The following FBXO31 variants were observed in gnomAD, a reference collection of about 807,000 sequenced individuals.
FBXO31 encodes the protein F-box only protein 31.
Under a neutral mutation model 54.4 loss-of-function variants are expected in FBXO31, and 24 were observed. The observed-to-expected ratio is 0.44, with a 90% confidence interval of 0.32 to 0.62. The LOEUF is 0.62. Ranked by LOEUF, FBXO31 falls within the 20% of genes least tolerant of loss-of-function variation. The pLI is 0.05. For synonymous variants in FBXO31, 388 were observed against 335.6 expected (o/e 1.16, Z -1.71); for missense variants, 665 against 787.1 (o/e 0.84, Z 1.86).
chr16:87,354,454 G>A (rs907829531), intron 2 of FBXO31, among the ~76,000 whole-genome samples: 1 of 149,858 alleles, frequency 6.7e-6, no homozygotes, highest in African/African-American at 2.4e-5. Context: ...GGGCAACAGA[G>A]CGAGATCCTG....
chr16:87,342,745 G>A (rs1461941002), intron 5 of FBXO31, 132 bp downstream of exon 5: 14 of 728,006 alleles, frequency 1.9e-5, no homozygotes, highest in South Asian at 4.2e-5. Context: ...TGACAATACC[G>A]GCTGAACCAT....
At chr16:87,359,064 A>C (rs1004378478) in intron 2 of FBXO31, among the ~76,000 whole-genome samples, 1 of 152,232 alleles carries the variant, frequency 6.6e-6, no homozygotes, top group African/African-American at 2.4e-5. Context: ...TAAGCCTTAA[A>C]GCAAATTCAC....
At chr16:87,382,333 T>C (rs1907113491) in intron 1 of FBXO31, among the ~76,000 whole-genome samples, 2 of 152,250 alleles carry the variant, frequency 1.3e-5, no homozygotes, top group Non-Finnish European at 2.9e-5. Flanking sequence ...TGGTTTATTT[T>C]TGACTGCTGG....
intron 2 of FBXO31, among the ~76,000 whole-genome samples, chr16:87,354,791 A>C (rs978171978): frequency 6.6e-6 from 1 of 151,706 alleles, no homozygotes; most frequent in African/African-American, 2.4e-5. Context: ...AAACTGGCAA[A>C]ACCCCGTCTC....
At chr16:87,351,091 C>A (rs1003017520) in intron 2 of FBXO31, among the ~76,000 whole-genome samples, 14 of 152,190 alleles carry the variant, frequency 9.2e-5, no homozygotes, top group Admixed American at 3.9e-4. Context: ...AGATGGGCTG[C>A]CAGCGCACAG....
rs557772551 is a variant in FBXO31 at position 87,336,987 on chromosome 16, G to A, written c.733-723C>T. On this transcript the variant is annotated intron_variant, in intron 5 of 8. Transcript: ENST00000311635. This position sits in a 1 kb window ranked among gnomAD's most constrained non-coding sequence, Gnocchi z 6.5. ...ATCTAGACCTAACTCTGAAAGGGACGCATAAGCAACTCACAAAAAAGAGGA... is the reference window on the plus strand; with the variant it reads ...ATCTAGACCTAACTCTGAAAGGGACACATAAGCAACTCACAAAAAAGAGGA... Among the ~76,000 whole-genome samples the A allele has an allele frequency of 4.6e-5, 7 of 152,210 alleles. No individual in the cohort carries two copies. Among genetic ancestry groups the A allele is most frequent in the East Asian group, 3.9e-4 (2 of 5,178 alleles).
At position 87,338,142 on chromosome 16, in the gene FBXO31, G is replaced by A. The variant is rs181110625; in HGVS notation, c.733-1878C>T. Among the ~76,000 whole-genome samples the A allele has an allele frequency of 4.7e-4, 71 of 152,048 alleles. No individual in the cohort carries two copies. Among genetic ancestry groups the A allele is most frequent in the Non-Finnish European group, 8.2e-4 (56 of 67,994 alleles). ...CTTTACATAAAGAGGTCCAAGCAAC[G>A]GGACCACCAACCAGACCCTGTTACC... is the stretch of plus-strand genomic sequence containing the variant. On this transcript the variant is annotated intron_variant, in intron 5 of 8. Coordinates refer to ENST00000311635, the MANE Select transcript of FBXO31 (RefSeq NM_024735.5). This position sits in a 1 kb window ranked among gnomAD's most constrained non-coding sequence, Gnocchi z 4.3.
chr16:87,359,797 T>C (rs973039220), intron 2 of FBXO31, among the ~76,000 whole-genome samples: 3 of 152,144 alleles, frequency 2.0e-5, no homozygotes, highest in African/African-American at 7.2e-5. Flanking sequence ...CACAGTTGAC[T>C]CTGGAAAGCG....
intron 2 of FBXO31, 128 bp from the exon 3 acceptor site, chr16:87,347,378 T>C: frequency 1.3e-6 from 1 of 771,904 alleles, no homozygotes; most frequent in South Asian, 1.4e-5. Flanking sequence ...TCCAAACACA[T>C]GCACACCAAG....
In FBXO31 at chr16:87,330,838, A is replaced by C; in HGVS notation, c.*450T>G. ...TCTTCCTGACCCCCTCCCAGAGGCCACTGTTGCCTGGCTTCCCCCAAAAGG... is the reference window on the plus strand; with the variant it reads ...TCTTCCTGACCCCCTCCCAGAGGCCCCTGTTGCCTGGCTTCCCCCAAAAGG... On this transcript the variant is annotated 3_prime_UTR_variant, in exon 9 of 9. Coordinates refer to ENST00000311635, the MANE Select transcript of FBXO31 (RefSeq NM_024735.5). The C allele has an allele frequency of 5.7e-6, 1 of 175,318 alleles. No individual in the cohort carries two copies. The highest frequency in any genetic ancestry group is 1.2e-5 in the Non-Finnish European group (1 of 82,152). 10.9% of individuals were successfully genotyped at this position (175,318 alleles called of 1,614,324 possible).
At chr16:87,381,795 C>T (rs572980626) in intron 1 of FBXO31, among the ~76,000 whole-genome samples, 5 of 152,176 alleles carry the variant, frequency 3.3e-5, no homozygotes, top group South Asian at 4.1e-4. Context: ...GAGGCCGAGG[C>T]GGGTGAATCA....
At chr16:87,348,526 G>C (rs986607983) in intron 2 of FBXO31, among the ~76,000 whole-genome samples, 14 of 152,160 alleles carry the variant, frequency 9.2e-5, no homozygotes, top group African/African-American at 1.9e-4. Flanking sequence ...CATGGTCCCA[G>C]GAAGAAGGGG....
chr16:87,373,260 G>T (rs1415359717), intron 1 of FBXO31, among the ~76,000 whole-genome samples: 1 of 151,776 alleles, frequency 6.6e-6, no homozygotes, highest in Non-Finnish European at 1.5e-5. Flanking sequence ...GACCATCTTG[G>T]CTAACACAGT....
At chr16:87,390,536 T>G (rs1010547044), upstream of FBXO31, among the ~76,000 whole-genome samples, 8 of 151,104 alleles carry the variant, frequency 5.3e-5, no homozygotes, top group Non-Finnish European at 8.9e-5. Flanking sequence ...TGCCTTCCGG[T>G]TTCAAGCGAT....
rs1904836595 is a variant in FBXO31, at chr16:87,331,068, G to A, written c.*220C>T. 4 of 544,694 alleles carry A rather than the reference G, an allele frequency of 7.3e-6. No individual in the cohort carries two copies. The highest frequency in any genetic ancestry group is 3.2e-5 in the Admixed American group (1 of 31,554). 33.7% of individuals were successfully genotyped at this position (544,694 alleles called of 1,614,324 possible). ...TTCAGGCTCGTTCTCTCTGTTTTTG[G>A]TAAGACATGCTCAGCTTCTTCCATC... On this transcript the variant is annotated 3_prime_UTR_variant, in exon 9 of 9. Coordinates refer to ENST00000311635, the MANE Select transcript of FBXO31 (RefSeq NM_024735.5).
At chr16:87,385,382 C>A (rs918464541), upstream of FBXO31, among the ~76,000 whole-genome samples, 1 of 150,986 alleles carries the variant, frequency 6.6e-6, no homozygotes, top group East Asian at 2.0e-4. Context: ...GGTGTGAACC[C>A]GGGAGGCAGA....
At chr16:87,390,727 G>A (rs912820446), upstream of FBXO31, among the ~76,000 whole-genome samples, 1 of 151,982 alleles carries the variant, frequency 6.6e-6, no homozygotes, top group Non-Finnish European at 1.5e-5. Context: ...GGCATGAGTC[G>A]CCGCACCTGG....
At chr16:87,337,616 A>T (rs528978454) in intron 5 of FBXO31, among the ~76,000 whole-genome samples, 183 of 152,268 alleles carry the variant, frequency 1.2e-3, no homozygotes, top group Non-Finnish European at 2.1e-3. Flanking sequence ...AGAAACCCTC[A>T]TGTGGACCCA....
intron 4 of FBXO31, 41 bp from the exon 5 acceptor site, chr16:87,342,992 CAG>C (rs1905239581): frequency 6.5e-7 from 1 of 1,543,826 alleles, no homozygotes; most frequent in Non-Finnish European, 8.8e-7. Flanking sequence ...GAGTGAGGAA[CAG>C]AGTCCATCAC....
Sources: gnomAD v4.1 joint callset for allele counts (sites outside exome capture counted in the v4.1 genomes callset) on GRCh38, gnomAD v4.1.1 for gene constraint, Gnocchi (gnomAD v3.1) non-coding constraint, MANE v1.5 for transcripts, NCBI Gene and HGNC (gene_info 2026-07-23, HGNC 2026-07-21) for gene names.